CCSER1: variants seen among roughly 807,000 people sequenced by gnomAD.
CCSER1 encodes coiled-coil serine rich protein 1, also known as serine-rich coiled-coil domain-containing protein 1.
In CCSER1, 41 loss-of-function variants were observed where a neutral mutation model predicts 82.0. The ratio of observed to expected loss-of-function variants is 0.50; its 90% CI spans 0.39 to 0.65. The LOEUF (loss-of-function observed/expected upper bound fraction) is 0.65, where lower values mean the gene tolerates loss of function less well. Among genes scored for constraint, CCSER1 ranks in the 30% least tolerant of loss-of-function variants. CCSER1 has a pLI of 0.00. For missense variants in CCSER1, 1,119 were observed against 1,064.2 expected (o/e 1.05, Z -0.72); for synonymous variants, 414 against 383.9 (o/e 1.08, Z -0.92).
intron 9 of CCSER1, among the ~76,000 whole-genome samples, chr4:91,074,409 G>T (rs905554749): frequency 6.6e-6 from 1 of 152,174 alleles, no homozygotes; most frequent in Non-Finnish European, 1.5e-5. Context: ...ATCAGTGCAT[G>T]TTGCAGTTAA....
At chr4:90,641,180 C>G (rs191102895) in intron 6 of CCSER1, among the ~76,000 whole-genome samples, 1 of 151,944 alleles carries the variant, frequency 6.6e-6, no homozygotes, top group East Asian at 1.9e-4. Context: ...TATTCTTATG[C>G]CCACAAAAAA....
At chr4:91,467,822 G>T (rs1290654071) in intron 10 of CCSER1, among the ~76,000 whole-genome samples, 6 of 152,182 alleles carry the variant, frequency 3.9e-5, no homozygotes, top group Non-Finnish European at 2.9e-5. Flanking sequence ...ACACCAGTTA[G>T]AATGGTGATC....
intron 3 of CCSER1, among the ~76,000 whole-genome samples, chr4:90,393,793 T>TTTC (rs1299873219): frequency 1.4e-5 from 2 of 145,752 alleles, no homozygotes; most frequent in Non-Finnish European, 3.0e-5. Context: ...TTTTTTTTTT[T>TTTC]TGGGACAGGA....
chr4:91,013,608 T>C (rs1400559952), intron 9 of CCSER1, among the ~76,000 whole-genome samples: 1 of 123,600 alleles, frequency 8.1e-6, no homozygotes, highest in African/African-American at 2.6e-5. Flanking sequence ...GATTTTCTTT[T>C]TTTTTTTTTT....
At chr4:91,323,421 A>G (rs1293669015) in intron 10 of CCSER1, among the ~76,000 whole-genome samples, 1 of 152,128 alleles carries the variant, frequency 6.6e-6, no homozygotes, top group Non-Finnish European at 1.5e-5. Context: ...CTGATGCCCT[A>G]TTACTTTTTC....
At chr4:91,236,516 C>G (rs550215981) in intron 10 of CCSER1, among the ~76,000 whole-genome samples, 94 of 152,028 alleles carry the variant, frequency 6.2e-4, no homozygotes, top group African/African-American at 2.3e-3. Flanking sequence ...AAATTGGTAA[C>G]TTTGTGGGTA....
intron 6 of CCSER1, among the ~76,000 whole-genome samples, chr4:90,649,925 C>G (rs557502903): frequency 6.6e-6 from 1 of 151,844 alleles, no homozygotes; most frequent in Non-Finnish European, 1.5e-5. Flanking sequence ...GCCAAAATGG[C>G]GAAACCCCAT....
chr4:91,083,639 G>T (rs958737338), intron 9 of CCSER1, among the ~76,000 whole-genome samples: 1 of 151,850 alleles, frequency 6.6e-6, no homozygotes, highest in Non-Finnish European at 1.5e-5. Flanking sequence ...ATAAAGAGAA[G>T]TATAATATGA....
At position 90,984,287 on chromosome 4, in the gene CCSER1, T is replaced by A. The variant is rs556247780; in HGVS notation, c.2172+60840T>A. Reference sequence around the variant, plus strand: ...ATCTAACTTTATCCTCACAATAACCTTAAAGAAAAACAGAGTCATAATTAC... The same window carrying A: ...ATCTAACTTTATCCTCACAATAACCATAAAGAAAAACAGAGTCATAATTAC... On this transcript the variant is annotated intron_variant, in intron 9 of 10. Transcript: ENST00000509176. Among the ~76,000 whole-genome samples the A allele has an allele frequency of 8.6e-5, 13 of 151,874 alleles. No homozygotes were observed. The South Asian group carries it at 2.7e-3, about 32-fold the overall frequency.
At chr4:90,436,970 G>A (rs1312631740) in intron 4 of CCSER1, among the ~76,000 whole-genome samples, 6 of 151,686 alleles carry the variant, frequency 4.0e-5, no homozygotes, top group Non-Finnish European at 7.4e-5. Flanking sequence ...GCTGGCACCC[G>A]CCACCACGCC....
At chr4:90,183,624 ACT>A (rs1290381292) in intron 1 of CCSER1, among the ~76,000 whole-genome samples, 1 of 152,086 alleles carries the variant, frequency 6.6e-6, no homozygotes, top group Non-Finnish European at 1.5e-5. Context: ...TGTTATAATA[ACT>A]CTGAAAAGGT....
intron 10 of CCSER1, among the ~76,000 whole-genome samples, chr4:91,451,995 A>G (rs1320574626): frequency 6.6e-6 from 1 of 151,910 alleles, no homozygotes. Context: ...ACTTATCTCT[A>G]TTTCATTTTT....
intron 6 of CCSER1, among the ~76,000 whole-genome samples, chr4:90,700,622 C>T (rs1737881670): frequency 6.6e-6 from 1 of 152,128 alleles, no homozygotes; most frequent in South Asian, 2.1e-4. Flanking sequence ...AAAAGTGTTC[C>T]TATTTCTCCA....
intron 8 of CCSER1, among the ~76,000 whole-genome samples, chr4:90,826,295 G>A (rs574317572): frequency 6.6e-6 from 1 of 152,236 alleles, no homozygotes; most frequent in Admixed American, 6.5e-5. Context: ...CAAAACAATG[G>A]CCTCCTCCTT....
intron 10 of CCSER1, among the ~76,000 whole-genome samples, chr4:91,561,380 G>T (rs1449236992): frequency 6.6e-6 from 1 of 151,278 alleles, no homozygotes; most frequent in African/African-American, 2.4e-5. Context: ...TTTTCCTGGG[G>T]TTCTCTATTC....
intron 9 of CCSER1, among the ~76,000 whole-genome samples, chr4:90,968,532 A>ACT (rs1302505440): frequency 2.4e-4 from 37 of 152,138 alleles, no homozygotes; most frequent in African/African-American, 8.4e-4. Context: ...TAAACAGGGG[A>ACT]CTCTCAGCAC....
chr4:90,705,416 G>A (rs1210748033), intron 6 of CCSER1, among the ~76,000 whole-genome samples: 1 of 152,194 alleles, frequency 6.6e-6, no homozygotes, highest in Non-Finnish European at 1.5e-5. Context: ...GCTATTCGGG[G>A]GTCAGGGACC....
At chr4:91,572,344 A>T (rs1027952701) in intron 10 of CCSER1, among the ~76,000 whole-genome samples, 1 of 152,012 alleles carries the variant, frequency 6.6e-6, no homozygotes, top group South Asian at 2.1e-4. Flanking sequence ...ACCAAAAGAC[A>T]CCTGTAGGAG....
chr4:90,481,533 A>G (rs534701907), intron 5 of CCSER1, among the ~76,000 whole-genome samples: 2 of 152,230 alleles, frequency 1.3e-5, no homozygotes, highest in South Asian at 4.1e-4. Flanking sequence ...TATTATTTTG[A>G]GATATGTCCC....
Sources: gnomAD v4.1 joint callset for allele counts (sites outside exome capture counted in the v4.1 genomes callset) on GRCh38, gnomAD v4.1.1 for gene constraint, MANE v1.5 for transcripts, NCBI Gene and HGNC (gene_info 2026-07-23, HGNC 2026-07-21) for gene names.